The following KIF21A variants were observed in gnomAD, a reference collection of about 807,000 sequenced individuals.
The protein encoded by KIF21A is kinesin-like protein KIF21A.
Under a neutral mutation model 202.9 loss-of-function variants are expected in KIF21A, and 114 were observed. The ratio of observed to expected loss-of-function variants is 0.56; its 90% confidence interval spans 0.48 to 0.66. The LOEUF (loss-of-function observed/expected upper bound fraction) is 0.66. KIF21A is among the 30% of genes least tolerant of loss of function. The pLI is 0.00. For missense variants in KIF21A, 1,677 were observed against 1,994.9 expected (o/e 0.84, Z 3.04); for synonymous variants, 667 against 670.8 (o/e 0.99, Z 0.09).
intron 11 of KIF21A, 74 bp from the exon 12 acceptor site, chr12:39,346,578 G>C: frequency 2.0e-6 from 2 of 1,017,624 alleles, no homozygotes; most frequent in Non-Finnish European, 1.3e-6. Context: ...AAGCGAAAGT[G>C]ATAAGAAGGT....
At chr12:39,383,523 G>A (rs548612637) in intron 1 of KIF21A, among the ~76,000 whole-genome samples, 125 of 152,166 alleles carry the variant, frequency 8.2e-4, no homozygotes, top group African/African-American at 2.8e-3. Context: ...ATAATTTATC[G>A]TACCCCTATA....
chr12:39,403,412 T>C (rs1458697907), intron 1 of KIF21A, among the ~76,000 whole-genome samples: 1 of 152,238 alleles, frequency 6.6e-6, no homozygotes, highest in Non-Finnish European at 1.5e-5. Flanking sequence ...GTGAGTGTGA[T>C]ACATATACAC....
rs549441505 is a variant in KIF21A at position 39,431,036 on chromosome 12, G to C, written c.44+11891C>G. Among the ~76,000 whole-genome samples, 8 of 152,210 alleles carry C rather than the reference G, an allele frequency of 5.3e-5. No homozygotes were observed. In the East Asian group the frequency reaches 1.5e-3, roughly 29 times the overall value. ...GTATTCTGTTATAGCAACAGAAAAT[G>C]GACTGAGACACACATGGAAATCACA... On this transcript the variant is annotated intron_variant, in intron 1 of 37. Transcript: ENST00000361418.
At chr12:39,298,635 T>C (rs947347544) in intron 37 of KIF21A, among the ~76,000 whole-genome samples, 1 of 152,124 alleles carries the variant, frequency 6.6e-6, no homozygotes, top group Admixed American at 6.5e-5. Flanking sequence ...GAACCACAAG[T>C]AATCCAATTG....
rs1431095676 is a variant in KIF21A, at chr12:39,351,869, T to C, written c.1581A>G (p.Ile527Met). The change falls in exon 11 of 38, where the codon ATA (isoleucine) becomes ATG (methionine). Residue 527 changes from isoleucine to methionine, a missense_variant. Ile to Met is a conservative substitution (Grantham distance 10). Coordinates refer to ENST00000361418, the MANE Select transcript of KIF21A (RefSeq NM_001173464.2). ...FSGSSTFSPT[I>M]LSSDKETIEI... The stretch of plus-strand genomic sequence containing the variant: ...CAATGGTTTCTTTGTCTGAGGATAG[T>C]ATGGTAGGAGAAAAAGTTGATGATC... 8 of 1,611,370 alleles carry C rather than the reference T, an allele frequency of 5.0e-6. No homozygotes were observed. In the Admixed American group the frequency reaches 1.2e-4, roughly 24 times the overall value.
chr12:39,402,225 A>G (rs935104017), intron 1 of KIF21A, among the ~76,000 whole-genome samples: 1 of 152,224 alleles, frequency 6.6e-6, no homozygotes, highest in Non-Finnish European at 1.5e-5. Context: ...TTCTAAACAG[A>G]TAACAGAATA....
chr12:39,389,205 C>A (rs1036045322), intron 1 of KIF21A, among the ~76,000 whole-genome samples: 3 of 151,714 alleles, frequency 2.0e-5, no homozygotes, highest in Non-Finnish European at 4.4e-5. Flanking sequence ...CACACACACA[C>A]ACACACATAT....
intron 21 of KIF21A, 64 bp from the exon 22 acceptor site, chr12:39,331,855 A>T: frequency 6.9e-6 from 8 of 1,153,550 alleles, no homozygotes; most frequent in Non-Finnish European, 1.1e-5. Context: ...GCAACAGCCT[A>T]TTGTTTCACA....
At chr12:39,358,096 C>T (rs539224460) in intron 8 of KIF21A, 82 bp downstream of exon 8, 29 of 1,159,474 alleles carry the variant, frequency 2.5e-5, no homozygotes, top group Middle Eastern at 1.9e-4. Context: ...TCCAGAAACA[C>T]GTATGTGTAA....
At chr12:39,438,078 T>TA (rs1164541021) in intron 1 of KIF21A, among the ~76,000 whole-genome samples, 1 of 152,178 alleles carries the variant, frequency 6.6e-6, no homozygotes, top group African/African-American at 2.4e-5. Context: ...CCAATTCTGT[T>TA]ACTTAGTGGT....
chr12:39,395,459 C>T (rs986261665), intron 1 of KIF21A, among the ~76,000 whole-genome samples: 1 of 152,256 alleles, frequency 6.6e-6, no homozygotes, highest in Admixed American at 6.5e-5. Flanking sequence ...GTTTCCATAC[C>T]GCCATATTTC....
intron 1 of KIF21A, among the ~76,000 whole-genome samples, chr12:39,405,225 G>A (rs960164165): frequency 6.6e-5 from 10 of 152,100 alleles, no homozygotes; most frequent in East Asian, 1.9e-4. Flanking sequence ...GGTGGCAGGC[G>A]CCTGTAATCC....
At chr12:39,404,934 T>A (rs1217931288) in intron 1 of KIF21A, among the ~76,000 whole-genome samples, 2 of 152,102 alleles carry the variant, frequency 1.3e-5, no homozygotes, top group Non-Finnish European at 2.9e-5. Context: ...AAATGCGCAA[T>A]GTTAAACAAA....
chr12:39,436,441 TA>T (rs1338474841), intron 1 of KIF21A, among the ~76,000 whole-genome samples: 6 of 119,034 alleles, frequency 5.0e-5, no homozygotes, highest in African/African-American at 8.1e-5. Context: ...TATATATATA[TA>T]TATATATTTT....
chr12:39,309,440 T>C, intron 33 of KIF21A, 146 bp downstream of exon 33: 1 of 618,446 alleles, frequency 1.6e-6, no homozygotes. Flanking sequence ...TGCTTTTCTT[T>C]GTGAACACTT....
intron 31 of KIF21A, chr12:39,312,603 T>C (rs567876656): frequency 6.6e-5 from 10 of 152,044 alleles, no homozygotes; most frequent in Non-Finnish European, 1.2e-4. Flanking sequence ...GTGCATTGCA[T>C]GCCTGTATCC....
chr12:39,305,114 C>T (rs927646830), intron 34 of KIF21A, among the ~76,000 whole-genome samples, 176 bp from the exon 35 acceptor site: 2 of 151,644 alleles, frequency 1.3e-5, no homozygotes, highest in Admixed American at 1.3e-4. Context: ...GCCTGTAATC[C>T]CAGCACTTTG....
intron 31 of KIF21A, among the ~76,000 whole-genome samples, chr12:39,314,913 G>C (rs1298561455): frequency 1.3e-5 from 2 of 151,454 alleles, no homozygotes; most frequent in Non-Finnish European, 3.0e-5. Context: ...ATTAAACACA[G>C]TGTTTTATTA....
intron 16 of KIF21A, among the ~76,000 whole-genome samples, chr12:39,339,587 T>C (rs1050593142): frequency 3.3e-5 from 5 of 151,984 alleles, no homozygotes; most frequent in African/African-American, 1.2e-4. Context: ...TTTATTGTTA[T>C]TTTAAGAAAA....
Sources: gnomAD v4.1 joint callset for allele counts (sites outside exome capture counted in the v4.1 genomes callset) on GRCh38, gnomAD v4.1.1 for gene constraint, MANE v1.5 for transcripts, NCBI Gene and HGNC (gene_info 2026-07-23, HGNC 2026-07-21) for gene names.